The following CCDC149 variants were observed in gnomAD, a reference collection of about 807,000 sequenced individuals.
CCDC149 encodes coiled-coil domain containing 149, also known as coiled-coil domain-containing protein 149.
In CCDC149, 45 loss-of-function variants were observed where a neutral mutation model predicts 59.9. The ratio of observed to expected loss-of-function variants is 0.75; its 90% CI spans 0.59 to 0.96. CCDC149 has a LOEUF of 0.96. Ranked by LOEUF, CCDC149 falls within the 40% of genes least tolerant of loss-of-function variation. The pLI, the probability that CCDC149 is intolerant of heterozygous loss-of-function variation, is 0.00. For synonymous variants in CCDC149, 245 were observed against 260.6 expected (o/e 0.94, Z 0.58); for missense variants, 584 against 664.7 (o/e 0.88, Z 1.33).
At chr4:24,914,482 C>T (rs1026161694), upstream of CCDC149, among the ~76,000 whole-genome samples, 16 of 151,980 alleles carry the variant, frequency 1.1e-4, no homozygotes, top group African/African-American at 3.4e-4. Flanking sequence ...TGTAAATAAG[C>T]TCCGAATAGC....
intron 3 of CCDC149, among the ~76,000 whole-genome samples, chr4:24,856,902 C>T (rs2109195234): frequency 6.6e-6 from 1 of 152,328 alleles, no homozygotes; most frequent in Non-Finnish European, 1.5e-5. Flanking sequence ...AGTGACTGTC[C>T]CTGGGGAGCA....
At chr4:24,886,635 A>G (rs1720193593) in intron 1 of CCDC149, among the ~76,000 whole-genome samples, 1 of 152,228 alleles carries the variant, frequency 6.6e-6, no homozygotes, top group Non-Finnish European at 1.5e-5. Flanking sequence ...CAACCTTGCT[A>G]AAGCTCCCCT....
intron 1 of CCDC149, among the ~76,000 whole-genome samples, chr4:24,907,070 C>T (rs1273555303): frequency 1.3e-5 from 2 of 152,206 alleles, no homozygotes; most frequent in African/African-American, 4.8e-5. Flanking sequence ...ATTTCCACTA[C>T]TCAAACAACA....
chr4:24,878,255 C>A (rs1719605558), intron 1 of CCDC149, among the ~76,000 whole-genome samples: 1 of 145,872 alleles, frequency 6.9e-6, no homozygotes, highest in Non-Finnish European at 1.5e-5. Flanking sequence ...AATTGCTTAG[C>A]TTCAAAAACA....
intron 1 of CCDC149, among the ~76,000 whole-genome samples, chr4:24,966,156 T>C (rs1467491075): frequency 6.6e-6 from 1 of 152,120 alleles, no homozygotes; most frequent in Non-Finnish European, 1.5e-5. Flanking sequence ...AGTACGTGGT[T>C]GGCACAAGGG....
intron 4 of CCDC149, among the ~76,000 whole-genome samples, chr4:24,841,281 G>A (rs1017310494): frequency 6.6e-6 from 1 of 152,182 alleles, no homozygotes; most frequent in African/African-American, 2.4e-5. Context: ...ATAAAACACT[G>A]TGGTTTTCCA....
chr4:24,949,431 G>T (rs1723210027), intron 1 of CCDC149, among the ~76,000 whole-genome samples: 1 of 150,722 alleles, frequency 6.6e-6, no homozygotes, highest in Non-Finnish European at 1.5e-5. Flanking sequence ...GAGAGGTAGT[G>T]GTGGCAGGGA....
Position 24,837,555 on chromosome 4 carries a change from A to G in CCDC149, c.490-155T>C, listed in dbSNP as rs1716626539. Among the ~76,000 whole-genome samples, 1 of 152,214 alleles carries G rather than the reference A, an allele frequency of 6.6e-6. No individual in the cohort carries two copies. Among genetic ancestry groups the G allele is most frequent in the African/African-American group, 2.4e-5 (1 of 41,458 alleles). Reference sequence around the variant, plus strand: ...CATAAGCGCCACACACTGAAATACAATAACAGCTAAAAGCGAGGGATGACT... The same window carrying G: ...CATAAGCGCCACACACTGAAATACAGTAACAGCTAAAAGCGAGGGATGACT... On this transcript the variant is annotated intron_variant, in intron 5 of 12. Coordinates refer to ENST00000635206, the MANE Select transcript of CCDC149 (RefSeq NM_001330643.2). The surrounding 1 kb of genome is among the most constrained non-coding windows in gnomAD (Gnocchi z 4.3).
chr4:24,973,166 A>G (rs1190545018), intron 1 of CCDC149, among the ~76,000 whole-genome samples: 2 of 152,178 alleles, frequency 1.3e-5, no homozygotes, highest in Non-Finnish European at 2.9e-5. Context: ...ACCTTTTCAG[A>G]CCAAACCAAT....
chr4:24,867,255 T>A (rs16876260), intron 3 of CCDC149, among the ~76,000 whole-genome samples: 4,048 of 152,340 alleles, frequency 0.027, 172 homozygotes, highest in African/African-American at 0.092. Context: ...CTCAATATCA[T>A]GTCCACTATG....
chr4:24,860,599 TTAA>T (rs1718314962), intron 3 of CCDC149, among the ~76,000 whole-genome samples: 12 of 152,084 alleles, frequency 7.9e-5, no homozygotes, highest in Admixed American at 7.9e-4. Context: ...TAGATGGGAC[TTAA>T]TTAAACTAAA....
chr4:24,811,865 T>C (rs1459849200), intron 12 of CCDC149, among the ~76,000 whole-genome samples: 7 of 106,320 alleles, frequency 6.6e-5, no homozygotes, highest in South Asian at 3.9e-4. Flanking sequence ...AGAGTGAGAC[T>C]CCGACTCAAA....
intron 1 of CCDC149, among the ~76,000 whole-genome samples, chr4:24,977,891 A>C (rs1724276812): frequency 6.6e-6 from 1 of 152,210 alleles, no homozygotes; most frequent in African/African-American, 2.4e-5. Context: ...CCAGCAGTTT[A>C]ATAGGCCAAG....
intron 12 of CCDC149, 147 bp downstream of exon 12, chr4:24,819,712 A>G: frequency 1.4e-6 from 1 of 703,322 alleles, no homozygotes; most frequent in Non-Finnish European, 2.6e-6. Flanking sequence ...ATGAACCCAC[A>G]TAAGCAACAA....
intron 4 of CCDC149, among the ~76,000 whole-genome samples, chr4:24,851,657 G>A (rs1161354744): frequency 6.6e-6 from 1 of 152,196 alleles, no homozygotes; most frequent in Non-Finnish European, 1.5e-5. Flanking sequence ...ATATGTTTCA[G>A]TATTTCATGG....
intron 1 of CCDC149, among the ~76,000 whole-genome samples, chr4:24,960,015 C>T (rs1476783809): frequency 6.6e-6 from 1 of 152,108 alleles, no homozygotes; most frequent in Admixed American, 6.5e-5. Flanking sequence ...ATGTTATTTT[C>T]CTCTTTATAT....
intron 1 of CCDC149, among the ~76,000 whole-genome samples, chr4:24,941,971 G>T (rs569106758): frequency 5.5e-4 from 84 of 152,266 alleles, no homozygotes; most frequent in African/African-American, 1.8e-3. Context: ...AGAGGTACAA[G>T]TAGGAGCTGG....
chr4:24,870,180 C>A (rs1319539409), intron 3 of CCDC149, among the ~76,000 whole-genome samples: 3 of 152,076 alleles, frequency 2.0e-5, no homozygotes. Flanking sequence ...TAAGCCTATC[C>A]CCAAAATCAC....
intron 12 of CCDC149, 61 bp downstream of exon 12, chr4:24,819,798 G>A (rs997631444): frequency 2.6e-6 from 3 of 1,175,020 alleles, no homozygotes; most frequent in African/African-American, 3.0e-5. Flanking sequence ...GATGTCCATT[G>A]AGCCACTCCT....
Sources: allele counts gnomAD v4.1 joint callset (sites outside exome capture counted in the v4.1 genomes callset), GRCh38; gene constraint gnomAD v4.1.1; non-coding constraint Gnocchi (gnomAD v3.1); transcripts MANE v1.5; gene names NCBI Gene and HGNC (gene_info 2026-07-23, HGNC 2026-07-21).